Variants in PSMB7 observed in about 807,000 individuals in gnomAD.
PSMB7 encodes the protein proteasome subunit beta type-7.
PSMB7 carries 5 observed loss-of-function variants against 28.1 expected under a neutral mutation model. The observed-to-expected ratio is 0.18, with a 90% CI of 0.09 to 0.37. The LOEUF (loss-of-function observed/expected upper bound fraction) is 0.37. Among genes scored for constraint, PSMB7 ranks in the 10% least tolerant of loss-of-function variants. The probability of loss-of-function intolerance (pLI) is 1.00; values close to 1 mark genes in which losing one functional copy is unlikely to be tolerated. For synonymous variants in PSMB7, 122 were observed against 123.7 expected, an observed-to-expected ratio of 0.99 and a Z score of 0.09; for missense variants, 275 against 346.2, an observed-to-expected ratio of 0.79 and a Z score of 1.63.
At chr9:124,355,441 G>A (rs1830394408) in intron 7 of PSMB7, among the ~76,000 whole-genome samples, 1 of 152,184 alleles carries the variant, frequency 6.6e-6, no homozygotes, top group South Asian at 2.1e-4. Context: ...CCCAGACGTG[G>A]CTTTCAGAGT....
chr9:124,354,556 A>G (rs1380461147), intron 7 of PSMB7, among the ~76,000 whole-genome samples: 2 of 152,182 alleles, frequency 1.3e-5, no homozygotes, highest in Non-Finnish European at 2.9e-5. Context: ...CACACGGGCT[A>G]AAAGAGGGAG....
At chr9:124,414,801 G>T in intron 2 of PSMB7, 41 bp downstream of exon 2, 1 of 1,538,116 alleles carries the variant, frequency 6.5e-7, no homozygotes. Flanking sequence ...GATTCCTGTT[G>T]CCGGTTCAGT....
At chr9:124,364,424 A>T (rs1184930294) in intron 6 of PSMB7, among the ~76,000 whole-genome samples, 1 of 152,144 alleles carries the variant, frequency 6.6e-6, no homozygotes, top group Non-Finnish European at 1.5e-5. Context: ...AAAAGAGACA[A>T]GAACATATTG....
intron 5 of PSMB7, among the ~76,000 whole-genome samples, chr9:124,402,446 A>G (rs1830920464): frequency 6.6e-6 from 1 of 152,244 alleles, no homozygotes; most frequent in African/African-American, 2.4e-5. Flanking sequence ...ATCAATGTCA[A>G]ACTTCTTAAA....
chr9:124,414,863 G>A lies in PSMB7; in HGVS notation c.135C>T (p.Thr45=), dbSNP rs768276185. 5.0e-6 allele frequency: 8 copies of A among 1,613,994 alleles called. 1 individual carries two copies. The South Asian group carries it at 6.6e-5, about 13-fold the overall frequency. ...TTACCTTATAGACCACCCCAGCGAT[G>A]GTCGTGCCAGTTTTCCGGACCTTTG... is the stretch of plus-strand genomic sequence containing the variant. ...KLPKVRKTGT[T]IAGVVYKDGI... Residue 45 remains threonine, a synonymous_variant, in exon 2 of 8, where the codon ACC becomes ACT. Transcript: ENST00000259457.
intron 6 of PSMB7, among the ~76,000 whole-genome samples, chr9:124,375,651 A>T (rs1052050801): frequency 6.6e-6 from 1 of 152,206 alleles, no homozygotes; most frequent in Non-Finnish European, 1.5e-5. Flanking sequence ...CATAAGAAAA[A>T]CAGCCTGAAA....
intron 4 of PSMB7, among the ~76,000 whole-genome samples, chr9:124,410,258 T>A (rs1382974050): frequency 6.6e-6 from 1 of 152,166 alleles, no homozygotes; most frequent in Non-Finnish European, 1.5e-5. Flanking sequence ...CCCCCCAAAG[T>A]GCTGAGATTA....
intron 5 of PSMB7, among the ~76,000 whole-genome samples, chr9:124,388,602 G>A (rs912783515): frequency 7.9e-5 from 12 of 152,180 alleles, no homozygotes; most frequent in South Asian, 6.2e-4. Flanking sequence ...CCTATGTCGC[G>A]CTCTCATACA....
intron 4 of PSMB7, among the ~76,000 whole-genome samples, chr9:124,405,658 A>C (rs1337447382): frequency 6.6e-6 from 1 of 152,072 alleles, no homozygotes; most frequent in African/African-American, 2.4e-5. Flanking sequence ...CACACACCTG[A>C]TTTCAGCTCA....
intron 5 of PSMB7, 104 bp from the exon 6 acceptor site, chr9:124,384,760 CA>C: frequency 1.1e-6 from 1 of 939,386 alleles, no homozygotes; most frequent in Admixed American, 2.1e-5. Flanking sequence ...CCCAGTGTCT[CA>C]TTCAAGTACA....
chr9:124,395,693 T>C (rs943792269), intron 5 of PSMB7, among the ~76,000 whole-genome samples: 8 of 152,060 alleles, frequency 5.3e-5, no homozygotes, highest in Non-Finnish European at 1.5e-5. Flanking sequence ...CCTGTGACCT[T>C]CCCAAGTCAA....
intron 6 of PSMB7, among the ~76,000 whole-genome samples, chr9:124,371,701 G>C (rs1465881961): frequency 6.6e-6 from 1 of 152,232 alleles, no homozygotes; most frequent in African/African-American, 2.4e-5. Context: ...AATTTGAAGA[G>C]AGCGGTGAAG....
At position 124,414,734 on chromosome 9, in the gene PSMB7, C is replaced by CT. The variant is rs1223914917; in HGVS notation, c.156+107dup. The stretch of plus-strand genomic sequence containing the variant: ...CTGAAAGACGGTCTCCTGATGTATT[C>CT]TATAGCATTTGCCTTTCCAGACCGA... On this transcript the variant is annotated intron_variant, in intron 2 of 7. Transcript: ENST00000259457. 7.1e-6 allele frequency: 6 copies of CT among 848,170 alleles called. No homozygotes were observed. The East Asian group carries it at 1.6e-4, about 22-fold the overall frequency. 52.5% of individuals were successfully genotyped at this position (848,170 alleles called of 1,614,324 possible).
chr9:124,395,544 C>A (rs1830831932), intron 5 of PSMB7, among the ~76,000 whole-genome samples: 1 of 152,074 alleles, frequency 6.6e-6, no homozygotes, highest in Non-Finnish European at 1.5e-5. Context: ...GATCTGAACC[C>A]TATTTGACTT....
rs573165548 is a variant in PSMB7 at position 124,392,434 on chromosome 9, G to A, written c.512-7778C>T. On this transcript the variant is annotated intron_variant, in intron 5 of 7. Coordinates refer to ENST00000259457, the MANE Select transcript of PSMB7 (RefSeq NM_002799.4). Reference sequence around the variant, plus strand: ...CACAAGCAACTGCATCAAGCACAGCGTGAATGATGCAACCGGAAACCGAGG... The same window carrying A: ...CACAAGCAACTGCATCAAGCACAGCATGAATGATGCAACCGGAAACCGAGG... Among the ~76,000 whole-genome samples the A allele has an allele frequency of 5.3e-5, 8 of 152,320 alleles. No homozygotes were observed. The South Asian group carries it at 1.2e-3, about 24-fold the overall frequency.
At chr9:124,379,408 C>T (rs1830642448) in intron 6 of PSMB7, among the ~76,000 whole-genome samples, 1 of 152,104 alleles carries the variant, frequency 6.6e-6, no homozygotes, top group Admixed American at 6.5e-5. Context: ...ACGCACAGTC[C>T]CTGCCCGAGA....
In PSMB7 at chr9:124,406,672, G is replaced by A. The variant is rs144789230; in HGVS notation, c.396-1240C>T. Among the ~76,000 whole-genome samples the A allele has an allele frequency of 4.4e-3, 670 of 152,056 alleles. 7 individuals carry two copies. The highest frequency in any genetic ancestry group is 0.015 in the African/African-American group (639 of 41,496). On this transcript the variant is annotated intron_variant, in intron 4 of 7. Coordinates refer to ENST00000259457, the MANE Select transcript of PSMB7 (RefSeq NM_002799.4). ...AAAGTGAATATTAAAATAACTCCAT[G>A]ATAGCCTAAGAAACCACTGCTACTA...
chr9:124,396,683 T>C lies in PSMB7; in HGVS notation c.511+8634A>G, dbSNP rs1168301905. 3 of 439,764 alleles carry C rather than the reference T, an allele frequency of 6.8e-6. No homozygotes were observed. The Admixed American group carries it at 8.5e-5, about 12-fold the overall frequency. 27.2% of individuals were successfully genotyped at this position (439,764 alleles called of 1,614,324 possible). A position where few individuals can be genotyped will look rare whatever the true frequency, so the allele number is the denominator to read the frequency against. The stretch of plus-strand genomic sequence containing the variant: ...AAGGACCTCATTTTCAGGAATGTCA[T>C]GCTTGAAATTTTATTCATGTTAATT... On this transcript the variant is annotated intron_variant, in intron 5 of 7. Transcript: ENST00000259457.
chr9:124,372,110 A>G (rs1257697297), intron 6 of PSMB7, among the ~76,000 whole-genome samples: 2 of 152,242 alleles, frequency 1.3e-5, no homozygotes, highest in African/African-American at 4.8e-5. Context: ...ATAATTACCT[A>G]TCAACTACAA....
Sources: gnomAD v4.1 joint callset for allele counts (sites outside exome capture counted in the v4.1 genomes callset) on GRCh38, gnomAD v4.1.1 for gene constraint, MANE v1.5 for transcripts, NCBI Gene and HGNC (gene_info 2026-07-23, HGNC 2026-07-21) for gene names.